PSD4: variants seen among roughly 807,000 people sequenced by gnomAD.
PSD4 encodes the protein PH and SEC7 domain-containing protein 4.
Under a neutral mutation model 112.5 loss-of-function variants are expected in PSD4, and 59 were observed. That is an observed-to-expected ratio of 0.52 (90% CI 0.43 to 0.65). PSD4 has a LOEUF of 0.65. Ranked by LOEUF, PSD4 falls within the 30% of genes least tolerant of loss-of-function variation. The pLI, the probability that PSD4 is intolerant of heterozygous loss-of-function variation, is 0.00. For missense variants in PSD4, 1,267 were observed against 1,352.6 expected, an observed-to-expected ratio of 0.94 and a Z score of 0.99; for synonymous variants, 533 against 540.0, an observed-to-expected ratio of 0.99 and a Z score of 0.18.
Position 113,201,397 on chromosome 2 carries a change from G to A in PSD4, c.3153G>A (p.Arg1051=), listed in dbSNP as rs778383845. The A allele has an allele frequency of 6.2e-7, 1 of 1,613,956 alleles. No homozygotes were observed. Among genetic ancestry groups the A allele is most frequent in the Non-Finnish European group, 8.5e-7 (1 of 1,180,016 alleles). Residue 1051 remains arginine (R), a synonymous_variant, in exon 17 of 17, where the codon CGG becomes CGA. Coordinates refer to ENST00000245796, the MANE Select transcript of PSD4 (RefSeq NM_012455.3). ...RRTYRKIIPK[R]NRNQL ...CCTACCGGAAGATCATCCCTAAGCG[G>A]AACCGCAATCAGCTGTGAAGCCAGC...
At position 113,193,604 on chromosome 2, in the gene PSD4, C is replaced by A; in HGVS notation, c.2045C>A (p.Thr682Asn). The stretch of plus-strand genomic sequence containing the variant: ...ATCTCTGGGGTAGATTCTGTACACA[C>A]CTTGACATGTGCAATCATGCTGCTT... ...GIFPSVDSVH[T>N]LTCAIMLLNT... The change falls in exon 9 of 17, where the codon ACC (threonine) becomes AAC (asparagine). Residue 682 changes from threonine (T) to asparagine (N), a missense_variant. Transcript: ENST00000245796. 1 of 1,613,632 alleles carries A rather than the reference C, an allele frequency of 6.2e-7. No individual in the cohort carries two copies. The highest frequency in any genetic ancestry group is 8.5e-7 in the Non-Finnish European group (1 of 1,179,516).
intron 1 of PSD4, among the ~76,000 whole-genome samples, chr2:113,176,108 C>A (rs911059477): frequency 1.3e-5 from 2 of 152,206 alleles, no homozygotes; most frequent in African/African-American, 4.8e-5. Context: ...AAGGCCATCA[C>A]CTTCCTACTC....
chr2:113,196,330 C>T (rs1688609847), intron 12 of PSD4, 23 bp downstream of exon 12: 2 of 1,603,164 alleles, frequency 1.2e-6, no homozygotes, highest in South Asian at 2.2e-5. Context: ...TGCCCACAAA[C>T]AGGGTGGCGT....
At chr2:113,200,453 C>T (rs1004647504) in intron 16 of PSD4, among the ~76,000 whole-genome samples, 10 of 152,190 alleles carry the variant, frequency 6.6e-5, no homozygotes, top group African/African-American at 2.4e-4. Context: ...TTTCAAGGTC[C>T]CAGGCTATCC....
At position 113,186,013 on chromosome 2, in the gene PSD4, T is replaced by C; in HGVS notation, c.1386T>C (p.Pro462=). Residue 462 remains proline (P), a synonymous_variant, in exon 5 of 17, where the codon CCT becomes CCC. Transcript: ENST00000245796. ...ESRGPGPRPS[P]ASSQEGSPQL... ...GAGGCCCTGGTCCCAGGCCCAGCCC[T>C]GCATCGTCCCAGGAGGGCAGCCCGC... 1 of 1,614,210 alleles carries C rather than the reference T, an allele frequency of 6.2e-7. No homozygotes were observed. The highest frequency in any genetic ancestry group is 8.5e-7 in the Non-Finnish European group (1 of 1,180,004).
In PSD4 at chr2:113,201,263, A is replaced by G; in HGVS notation, c.3019A>G (p.Thr1007Ala). The change falls in exon 17 of 17, where the codon ACT becomes GCT. Residue 1007 changes from threonine (T) to alanine (A), a missense_variant. Thr to Ala is a moderately conservative substitution (Grantham distance 58). This residue lies in a region of PSD4 where 544 missense variants were observed against 648.6 expected (regional missense o/e 0.84). Coordinates refer to ENST00000245796, the MANE Select transcript of PSD4 (RefSeq NM_012455.3). ...EEQLGREAGG[T>A]REPKLSLKKS... The stretch of plus-strand genomic sequence containing the variant: ...GCAGCTGGGGAGGGAAGCTGGAGGC[A>G]CTCGGGAGCCCAAGCTCAGCCTGAA... 1 of 1,614,112 alleles carries G rather than the reference A, an allele frequency of 6.2e-7. No individual in the cohort carries two copies. The highest frequency in any genetic ancestry group is 8.5e-7 in the Non-Finnish European group (1 of 1,180,016).
intron 1 of PSD4, among the ~76,000 whole-genome samples, chr2:113,180,932 C>T (rs1688116400): frequency 2.0e-5 from 3 of 152,056 alleles, no homozygotes. Context: ...TAAGAAAAGA[C>T]AGCTGCTGGG....
At chr2:113,198,994 C>A (rs771154849) in intron 15 of PSD4, 89 bp from the exon 16 acceptor site, 2 of 1,520,368 alleles carry the variant, frequency 1.3e-6, no homozygotes, top group Admixed American at 2.0e-5. Context: ...GCCTGGGAAC[C>A]GAGGCGGCCA....
At position 113,176,300 on chromosome 2, in the gene PSD4, G is replaced by A. The variant is rs1029340721; in HGVS notation, c.-112+2246G>A. Among the ~76,000 whole-genome samples, 6 of 152,324 alleles carry A rather than the reference G, an allele frequency of 3.9e-5. No homozygotes were observed. The East Asian group carries it at 9.6e-4, about 24-fold the overall frequency. ...GTCAAAAAGAAATTGCCTTGAAGCC[G>A]GGGGTGGGGCAGGTGGGAGGGACTC... is the stretch of plus-strand genomic sequence containing the variant. On this transcript the variant is annotated intron_variant, in intron 1 of 16. Coordinates refer to ENST00000245796, the MANE Select transcript of PSD4 (RefSeq NM_012455.3).
intron 10 of PSD4, among the ~76,000 whole-genome samples, chr2:113,194,908 A>T (rs1688551948): frequency 6.6e-6 from 1 of 152,188 alleles, no homozygotes; most frequent in Admixed American, 6.5e-5. Flanking sequence ...AACACCTACT[A>T]TGTGCCAGAC....
Position 113,197,918 on chromosome 2 carries a change from G to C in PSD4, c.2624+5G>C, listed in dbSNP as rs1688659706. ...CCTCTACCTCTTCCAGGCACCGTAA[G>C]TCCCTGGGGTGGGAGACTGTGGCAA... On this transcript the variant is annotated splice_donor_5th_base_variant and intron_variant, in intron 14 of 16. Coordinates refer to ENST00000245796, the MANE Select transcript of PSD4 (RefSeq NM_012455.3). 6.4e-7 allele frequency: 1 copy of C among 1,565,226 alleles called. No homozygotes were observed. Among genetic ancestry groups the C allele is most frequent in the African/African-American group, 1.4e-5 (1 of 74,070 alleles).
chr2:113,178,332 A>AC (rs1375088275), intron 1 of PSD4, among the ~76,000 whole-genome samples: 1 of 150,654 alleles, frequency 6.6e-6, no homozygotes, highest in Non-Finnish European at 1.5e-5. Flanking sequence ...CCAGTTCCTC[A>AC]CCCCCACCCC....
chr2:113,197,623 T>C lies in PSD4; in HGVS notation c.2446T>C (p.Tyr816His), dbSNP rs1309945825. 2.5e-6 allele frequency: 4 copies of C among 1,614,090 alleles called. No homozygotes were observed. The highest frequency in any genetic ancestry group is 1.1e-5 in the South Asian group (1 of 91,094). Residue 816 changes from tyrosine to histidine, a missense_variant, in exon 13 of 17, where the codon TAC becomes CAC. Coordinates refer to ENST00000245796, the MANE Select transcript of PSD4 (RefSeq NM_012455.3). Reference protein sequence around the residue: ...FHTLLRGMVLYFLKQGEDHCL... With the variant: ...FHTLLRGMVLHFLKQGEDHCL... ...CACCTTACTGCGAGGGATGGTTCTC[T>C]ACTTCCTGAAGGTAGGAAAGGAGCC...
At chr2:113,185,585 T>TCCTGC (rs1219401350) in intron 4 of PSD4, 145 bp downstream of exon 4, 23 of 1,558,892 alleles carry the variant, frequency 1.5e-5, no homozygotes, top group Non-Finnish European at 1.9e-5. Context: ...TGGGGTTAAA[T>TCCTGC]CCTGCCTCTT....
At chr2:113,196,033 C>A in intron 11 of PSD4, 114 bp from the exon 12 acceptor site, 1 of 1,371,848 alleles carries the variant, frequency 7.3e-7, no homozygotes, top group Non-Finnish European at 1.0e-6. Context: ...TGTGGGGGGT[C>A]CTGGGGTGTG....
intron 2 of PSD4, among the ~76,000 whole-genome samples, chr2:113,184,331 G>A (rs117513721): frequency 6.6e-6 from 1 of 152,202 alleles, no homozygotes; most frequent in East Asian, 1.9e-4. Context: ...CCCCAGTGTG[G>A]GGCAGTTAGG....
Position 113,201,640 on chromosome 2 carries a change from C to A in PSD4, c.*225C>A. 1 of 631,282 alleles carries A rather than the reference C, an allele frequency of 1.6e-6. No homozygotes were observed. Among genetic ancestry groups the A allele is most frequent in the East Asian group, 2.9e-5 (1 of 34,194 alleles). 39.1% of individuals were successfully genotyped at this position (631,282 alleles called of 1,614,324 possible). On this transcript the variant is annotated 3_prime_UTR_variant, in exon 17 of 17. Transcript: ENST00000245796. ...CCCCCATGGCAGTCCCTCCGCAGCC[C>A]CAGTCCCTGGCCACGCCCAAGGGAA...
At position 113,183,460 on chromosome 2, in the gene PSD4, TGG is replaced by T; in HGVS notation, c.1005_1006del (p.Ala336CysfsTer3). 1 of 1,590,760 alleles carries T rather than the reference TGG, an allele frequency of 6.3e-7. No individual in the cohort carries two copies. The highest frequency in any genetic ancestry group is 8.5e-7 in the Non-Finnish European group (1 of 1,169,618). On this transcript the variant is annotated frameshift_variant, in exon 2 of 17. Coordinates refer to ENST00000245796, the MANE Select transcript of PSD4 (RefSeq NM_012455.3). LOFTEE classifies it high-confidence loss of function. ...CCACACTCCATCTGCTGGGCCTCAG[TGG>T]CTGCCGCTGAGGGGGCTCCTGCAGC...
rs764526913 is a variant in PSD4 at position 113,195,780 on chromosome 2, A to C, written c.2225+10A>C. 1.2e-6 allele frequency: 2 copies of C among 1,613,138 alleles called. No individual in the cohort carries two copies. The highest frequency in any genetic ancestry group is 1.7e-6 in the Non-Finnish European group (2 of 1,179,824). ...AGCTCGAGTGGGCCGTGTGAGTGAG[A>C]CTCCCTTTCCCCTCTCCCTCTCACC... On this transcript the variant is annotated intron_variant, in intron 11 of 16. Coordinates refer to ENST00000245796, the MANE Select transcript of PSD4 (RefSeq NM_012455.3).
Sources: allele counts gnomAD v4.1 joint callset (sites outside exome capture counted in the v4.1 genomes callset), GRCh38; gene constraint gnomAD v4.1.1; regional missense constraint gnomAD v4.1.1; transcripts MANE v1.5; gene names NCBI Gene and HGNC (gene_info 2026-07-23, HGNC 2026-07-21).